SYNE1: variants seen among roughly 807,000 people sequenced by gnomAD.
SYNE1 encodes the protein nesprin-1.
SYNE1 carries 616 observed loss-of-function variants against 1,111.0 expected under a neutral mutation model. The ratio of observed to expected loss-of-function variants is 0.55; its 90% CI spans 0.52 to 0.59. The LOEUF (loss-of-function observed/expected upper bound fraction) is 0.59. Ranked by LOEUF, SYNE1 falls within the 20% of genes least tolerant of loss-of-function variation. The pLI, the probability that SYNE1 is intolerant of heterozygous loss-of-function variation, is 0.00. For synonymous variants in SYNE1, 3,855 were observed against 3,825.8 expected, an observed-to-expected ratio of 1.01 and a Z score of -0.28; for missense variants, 10,006 against 10,417.0, an observed-to-expected ratio of 0.96 and a Z score of 1.72.
chr6:152,246,383 T>C (rs142790912), intron 105 of SYNE1, among the ~76,000 whole-genome samples: 184 of 150,712 alleles, frequency 1.2e-3, no homozygotes, highest in Admixed American at 2.8e-3. Context: ...ATATAAACGA[T>C]AATGTATTCA....
chr6:152,329,649 T>C, intron 78 of SYNE1, 81 bp downstream of exon 78: 3 of 1,587,248 alleles, frequency 1.9e-6, no homozygotes, highest in Non-Finnish European at 2.6e-6. Context: ...GAAGCAATTA[T>C]AACCAAGCAA....
chr6:152,209,876 T>C (rs7774714), intron 124 of SYNE1, among the ~76,000 whole-genome samples: 4,271 of 152,296 alleles, frequency 0.028, 206 homozygotes, highest in African/African-American at 0.098. Context: ...ATTAGGTTCA[T>C]GATACTTCCC....
Position 152,217,460 on chromosome 6 carries a change from T to C in SYNE1, c.22191+797A>G, listed in dbSNP as rs892744853. Reference sequence around the variant, plus strand: ...GATGGACAAATTATAATCGTATATATTTATGGAGTATGATATGATGTTTTC... The same window carrying C: ...GATGGACAAATTATAATCGTATATACTTATGGAGTATGATATGATGTTTTC... On this transcript the variant is annotated intron_variant, in intron 121 of 145. Coordinates refer to ENST00000367255, the MANE Select transcript of SYNE1 (RefSeq NM_182961.4). 2.0e-5 allele frequency among the ~76,000 whole-genome samples: 3 copies of C among 151,576 alleles called. No homozygotes were observed. In the East Asian group the frequency reaches 5.8e-4, roughly 29 times the overall value.
At chr6:152,149,187 T>A (rs1171331440) in intron 136 of SYNE1, among the ~76,000 whole-genome samples, 2 of 152,230 alleles carry the variant, frequency 1.3e-5, no homozygotes, top group African/African-American at 4.8e-5. Context: ...ATGAGCCAAA[T>A]GTTCTTCTAA....
intron 40 of SYNE1, among the ~76,000 whole-genome samples, chr6:152,419,136 C>T (rs1360006823): frequency 1.3e-5 from 2 of 152,132 alleles, no homozygotes; most frequent in Non-Finnish European, 2.9e-5. Context: ...GATCTTTTCA[C>T]CCCTCCATAT....
intron 127 of SYNE1, among the ~76,000 whole-genome samples, chr6:152,196,433 A>G (rs1277162244): frequency 6.6e-6 from 1 of 151,984 alleles, no homozygotes; most frequent in Non-Finnish European, 1.5e-5. Context: ...CAAGGCCCAC[A>G]GTGTGTAATA....
intron 16 of SYNE1, among the ~76,000 whole-genome samples, chr6:152,469,989 A>G (rs1052171643): frequency 6.6e-6 from 1 of 152,178 alleles, no homozygotes; most frequent in Non-Finnish European, 1.5e-5. Context: ...AAAACCCTTC[A>G]CAGAAAAGAA....
chr6:152,343,018 T>C (rs1342467626), intron 74 of SYNE1, among the ~76,000 whole-genome samples: 4 of 152,216 alleles, frequency 2.6e-5, no homozygotes, highest in African/African-American at 9.6e-5. Flanking sequence ...AGTATACTTA[T>C]AAATGTCACT....
At chr6:152,475,870 C>G (rs1257330146) in intron 14 of SYNE1, among the ~76,000 whole-genome samples, 1 of 152,170 alleles carries the variant, frequency 6.6e-6, no homozygotes, top group East Asian at 1.9e-4. Context: ...GTGAAATTAT[C>G]TCAGCTGCAT....
At position 152,628,260 on chromosome 6, in the gene SYNE1, C is replaced by T. The variant is rs769918744; in HGVS notation, c.67+5G>A. On this transcript the variant is annotated splice_donor_5th_base_variant and intron_variant, in intron 3 of 145. Transcript: ENST00000367255. ...TTTTTAAAACCTGAAATTTCTTCCC[C>T]CTACCTTGCAGCCTCTGCATCACAT... 11 of 1,613,930 alleles carry T rather than the reference C, an allele frequency of 6.8e-6. No homozygotes were observed. In the South Asian group the frequency reaches 7.7e-5, roughly 11 times the overall value.
At chr6:152,153,176 CT>C (rs1017875680) in intron 133 of SYNE1, among the ~76,000 whole-genome samples, 14 of 152,178 alleles carry the variant, frequency 9.2e-5, no homozygotes, top group African/African-American at 3.4e-4. Context: ...GTGAGAGCTG[CT>C]TTCAGAGCCT....
At chr6:152,371,078 T>C (rs2154090865) in intron 59 of SYNE1, among the ~76,000 whole-genome samples, 1 of 152,308 alleles carries the variant, frequency 6.6e-6, no homozygotes, top group African/African-American at 2.4e-5. Flanking sequence ...CAAATATTTG[T>C]TGAATAATTA....
intron 84 of SYNE1, among the ~76,000 whole-genome samples, chr6:152,320,673 G>T (rs1282138231): frequency 1.3e-5 from 2 of 152,050 alleles, no homozygotes; most frequent in Non-Finnish European, 2.9e-5. Context: ...AAAAATATTT[G>T]TTTTTTAGAG....
At chr6:152,167,657 GA>G (rs2063950410) in intron 130 of SYNE1, 1 of 449,734 alleles carries the variant, frequency 2.2e-6, no homozygotes, top group Admixed American at 2.6e-5. Context: ...GCATTTTCTA[GA>G]GCCCTGAAAT....
In SYNE1 at chr6:152,224,684, T is replaced by C. The variant is rs780402310; in HGVS notation, c.21352-20A>G. 12 of 1,610,168 alleles carry C rather than the reference T, an allele frequency of 7.5e-6. No individual in the cohort carries two copies. The highest frequency in any genetic ancestry group is 1.1e-5 in the South Asian group (1 of 91,014). On this transcript the variant is annotated intron_variant, in intron 116 of 145. Transcript: ENST00000367255. ...TCCAACCTTTTGAAAAAGACAAATA[T>C]GGCTTATAATTTCATAATATCTAGA...
intron 6 of SYNE1, among the ~76,000 whole-genome samples, chr6:152,515,020 G>A (rs1284438390): frequency 1.3e-5 from 2 of 152,036 alleles, no homozygotes; most frequent in Non-Finnish European, 1.5e-5. Flanking sequence ...TCGGGAGTTC[G>A]AGACCAGCCT....
chr6:152,323,414 G>A (rs2095942826), intron 82 of SYNE1, 64 bp downstream of exon 82: 1 of 1,595,988 alleles, frequency 6.3e-7, no homozygotes, highest in South Asian at 1.1e-5. Flanking sequence ...ACTCCAGCCT[G>A]GGCGACAGAG....
chr6:152,192,060 T>C (rs910388361), intron 127 of SYNE1, among the ~76,000 whole-genome samples: 1 of 152,210 alleles, frequency 6.6e-6, no homozygotes, highest in African/African-American at 2.4e-5. Flanking sequence ...GTTTCCAAAA[T>C]TCTTTTTACT....
chr6:152,151,881 A>AC, intron 134 of SYNE1, 78 bp downstream of exon 134: 1 of 1,557,412 alleles, frequency 6.4e-7, no homozygotes, highest in Non-Finnish European at 8.8e-7. Context: ...AATCACTGAG[A>AC]CTGTGTCTCA....
Sources: gnomAD v4.1 joint callset for allele counts (sites outside exome capture counted in the v4.1 genomes callset) on GRCh38, gnomAD v4.1.1 for gene constraint, MANE v1.5 for transcripts, NCBI Gene and HGNC (gene_info 2026-07-23, HGNC 2026-07-21) for gene names.